The following ELAPOR2 variants were observed in gnomAD, a reference collection of about 807,000 sequenced individuals.
ELAPOR2 encodes endosome-lysosome associated apoptosis and autophagy regulator family member 2.
ELAPOR2 carries 89 observed loss-of-function variants against 120.7 expected under a neutral mutation model. That is an observed-to-expected ratio of 0.74 (90% confidence interval 0.62 to 0.88). The LOEUF is 0.88. Ranked by LOEUF, ELAPOR2 falls within the 40% of genes least tolerant of loss-of-function variation. ELAPOR2 has a pLI of 0.00. For missense variants in ELAPOR2, 1,134 were observed against 1,251.6 expected (o/e 0.91, Z 1.42); for synonymous variants, 444 against 444.9 (o/e 1.00, Z 0.03).
intron 21 of ELAPOR2, among the ~76,000 whole-genome samples, chr7:86,882,589 T>A (rs564791945): frequency 6.6e-6 from 1 of 152,230 alleles, no homozygotes; most frequent in East Asian, 1.9e-4. Flanking sequence ...ATTAGGTAGG[T>A]AGTGCCACTA....
chr7:86,993,096 C>T (rs955179377), intron 1 of ELAPOR2, among the ~76,000 whole-genome samples: 4 of 151,834 alleles, frequency 2.6e-5, no homozygotes, highest in South Asian at 2.1e-4. Flanking sequence ...ATTAGCTGGG[C>T]GTGGTGGCGC....
At chr7:86,939,090 T>G (rs1010384180) in intron 6 of ELAPOR2, 130 bp from the exon 7 acceptor site, 1 of 905,948 alleles carries the variant, frequency 1.1e-6, no homozygotes, top group Non-Finnish European at 1.7e-6. Context: ...ATCTTTTATC[T>G]TATTCATCCA....
At chr7:86,980,823 G>A (rs1792446380) in intron 1 of ELAPOR2, among the ~76,000 whole-genome samples, 1 of 151,750 alleles carries the variant, frequency 6.6e-6, no homozygotes, top group Non-Finnish European at 1.5e-5. Flanking sequence ...CTCTCATCTG[G>A]CTCTCCCCTC....
At chr7:86,999,285 T>A (rs1298391374) in intron 1 of ELAPOR2, among the ~76,000 whole-genome samples, 3 of 152,194 alleles carry the variant, frequency 2.0e-5, no homozygotes, top group Admixed American at 6.5e-5. Flanking sequence ...AGAATTTTTT[T>A]AAAAATTAGT....
At chr7:87,042,190 T>C (rs1483213465) in intron 1 of ELAPOR2, among the ~76,000 whole-genome samples, 6 of 150,658 alleles carry the variant, frequency 4.0e-5, no homozygotes, top group African/African-American at 1.5e-4. Context: ...CTGTCAACAT[T>C]AGACAGATCA....
At chr7:86,920,864 G>C (rs1789798181) in intron 10 of ELAPOR2, 1 of 152,128 alleles carries the variant, frequency 6.6e-6, no homozygotes, top group African/African-American at 2.4e-5. Context: ...CCCCAGCCTT[G>C]AGCCAAACTC....
At position 86,986,168 on chromosome 7, in the gene ELAPOR2, G is replaced by A. The variant is rs778893789; in HGVS notation, c.190-21144C>T. On this transcript the variant is annotated intron_variant, in intron 1 of 21. Transcript: ENST00000450689. ...ATTGTATATTTAGAAAACCCCTCAC[G>A]CCTGTAATCCCAGCACTTTGGGAGG... Among the ~76,000 whole-genome samples, 35 of 78,612 alleles carry A rather than the reference G, an allele frequency of 4.5e-4. 8 individuals are homozygous for A. Among genetic ancestry groups the A allele is most frequent in the Non-Finnish European group, 6.7e-4 (26 of 39,018 alleles). The allele number at this position is 78,612 out of a possible 152,430, so 51.6% of individuals were successfully genotyped here. A position where few individuals can be genotyped will look rare whatever the true frequency, so the allele number is the denominator to read the frequency against.
In ELAPOR2 at chr7:87,004,282, G is replaced by T. The variant is rs1365582451; in HGVS notation, c.190-39258C>A. Among the ~76,000 whole-genome samples the T allele has an allele frequency of 2.0e-5, 3 of 152,182 alleles. No individual in the cohort carries two copies. The East Asian group carries it at 5.8e-4, about 29-fold the overall frequency. ...TTGTTTCCAAAATGAAGGCAAAATA[G>T]CCGCAGGCTAAAGATCAGCCCCCAT... On this transcript the variant is annotated intron_variant, in intron 1 of 21. Transcript: ENST00000450689.
chr7:86,926,687 C>G, intron 9 of ELAPOR2, 49 bp downstream of exon 9: 1 of 1,508,678 alleles, frequency 6.6e-7, no homozygotes, highest in Non-Finnish European at 9.0e-7. Context: ...AGTAGTCCAA[C>G]AAGATCATTT....
intron 2 of ELAPOR2, among the ~76,000 whole-genome samples, chr7:86,961,130 G>A (rs1791691138): frequency 6.6e-6 from 1 of 152,064 alleles, no homozygotes; most frequent in South Asian, 2.1e-4. Context: ...ACATCTATAT[G>A]TATTACTTCA....
At chr7:87,025,001 A>G (rs1456482573) in intron 1 of ELAPOR2, among the ~76,000 whole-genome samples, 1 of 150,986 alleles carries the variant, frequency 6.6e-6, no homozygotes, top group Non-Finnish European at 1.5e-5. Context: ...AAAAAAAAAA[A>G]CCATAGGCTG....
At chr7:87,055,660 C>A (rs1795239715) in intron 1 of ELAPOR2, among the ~76,000 whole-genome samples, 1 of 152,144 alleles carries the variant, frequency 6.6e-6, no homozygotes, top group African/African-American at 2.4e-5. Context: ...TCCATAGGGC[C>A]TTTTCTGATC....
intron 1 of ELAPOR2, among the ~76,000 whole-genome samples, chr7:87,033,358 G>A (rs1009469481): frequency 1.2e-4 from 19 of 152,106 alleles, no homozygotes; most frequent in Non-Finnish European, 5.9e-5. Flanking sequence ...CTGACAAAAC[G>A]TTAGAATTAA....
chr7:86,899,534 C>T (rs1788618870), intron 18 of ELAPOR2, among the ~76,000 whole-genome samples: 1 of 152,048 alleles, frequency 6.6e-6, no homozygotes, highest in Non-Finnish European at 1.5e-5. Flanking sequence ...TCCAGTGATA[C>T]ATGGTTCAAA....
intron 21 of ELAPOR2, among the ~76,000 whole-genome samples, chr7:86,882,673 C>A (rs1406569262): frequency 2.6e-5 from 4 of 152,042 alleles, no homozygotes. Flanking sequence ...TGACCCAAGT[C>A]CTACCACTTG....
At chr7:86,950,210 G>A (rs897741555) in intron 2 of ELAPOR2, among the ~76,000 whole-genome samples, 14 of 152,222 alleles carry the variant, frequency 9.2e-5, no homozygotes, top group African/African-American at 3.4e-4. Flanking sequence ...CTATTCTGTA[G>A]CTCAATAAAG....
At chr7:86,899,475 A>G (rs1584321952) in intron 18 of ELAPOR2, among the ~76,000 whole-genome samples, 3 of 152,268 alleles carry the variant, frequency 2.0e-5, no homozygotes, top group Admixed American at 2.0e-4. Context: ...ACAAAATAGT[A>G]AGGGAAATTT....
intron 1 of ELAPOR2, among the ~76,000 whole-genome samples, chr7:87,003,038 T>C (rs985050226): frequency 3.3e-5 from 5 of 152,078 alleles, no homozygotes; most frequent in African/African-American, 9.7e-5. Flanking sequence ...TCCCAGAAAT[T>C]CTTCAGTCCT....
At chr7:87,045,354 A>G (rs1272725446) in intron 1 of ELAPOR2, among the ~76,000 whole-genome samples, 3 of 150,054 alleles carry the variant, frequency 2.0e-5, no homozygotes, top group African/African-American at 7.5e-5. Context: ...ACTTGGAACC[A>G]ACCCAAATGC....
Sources: allele counts gnomAD v4.1 joint callset (sites outside exome capture counted in the v4.1 genomes callset), GRCh38; gene constraint gnomAD v4.1.1; transcripts MANE v1.5; gene names NCBI Gene and HGNC (gene_info 2026-07-23, HGNC 2026-07-21).